DSCAM: variants seen among roughly 807,000 people sequenced by gnomAD.
DSCAM encodes DS cell adhesion molecule.
DSCAM carries 47 observed loss-of-function variants against 217.7 expected under a neutral mutation model. The observed-to-expected ratio is 0.22, with a 90% CI of 0.17 to 0.28. The LOEUF (loss-of-function observed/expected upper bound fraction) is 0.28. Among genes scored for constraint, DSCAM ranks in the 10% least tolerant of loss-of-function variants. DSCAM has a pLI of 1.00. For synonymous variants in DSCAM, 1,056 were observed against 1,015.3 expected (o/e 1.04, Z -0.76); for missense variants, 2,080 against 2,618.3 (o/e 0.79, Z 4.49).
intron 3 of DSCAM, among the ~76,000 whole-genome samples, chr21:40,606,427 G>C (rs1398006623): frequency 1.3e-5 from 2 of 152,200 alleles, no homozygotes; most frequent in Non-Finnish European, 2.9e-5. Context: ...AAAATGTTTA[G>C]TGTTGGCAAC....
rs986846647 is a variant in DSCAM at position 40,353,545 on chromosome 21, G to A, written c.854C>T (p.Pro285Leu). 12 of 1,612,038 alleles carry A rather than the reference G, an allele frequency of 7.4e-6. No individual in the cohort carries two copies. In the African/African-American group the frequency reaches 1.5e-4, roughly 20 times the overall value. Residue 285 changes from proline (P) to leucine (L), a missense_variant, in exon 5 of 33, where the codon CCC becomes CTC. Pro to Leu is a moderately conservative substitution (Grantham distance 98, BLOSUM62 -3). Transcript: ENST00000400454. Reference sequence around the variant, plus strand: ...ACAAACATAGCTGCCTGAGTCCGAGGGGCGAATGTTCTCAATGAGCAGCCC... The same window carrying A: ...ACAAACATAGCTGCCTGAGTCCGAGAGGCGAATGTTCTCAATGAGCAGCCC... ...VTGLLIENIR[P>L]SDSGSYVCEV...
rs1417735333 is a variant in DSCAM at position 40,639,121 on chromosome 21, ATTTTGG to A, written c.508+53683_508+53688del. 1.8e-4 allele frequency among the ~76,000 whole-genome samples: 27 copies of A among 148,528 alleles called. 1 individual carries two copies. The highest frequency in any genetic ancestry group is 6.3e-4 in the African/African-American group (25 of 39,976). On this transcript the variant is annotated intron_variant, in intron 3 of 32. Transcript: ENST00000400454. ...GCCTCTGTGTCCCTCACACTCGTCC[ATTTTGG>A]TCCATTTTGGTCCATTTTGTGTCTG...
chr21:40,788,485 C>T (rs2123455578), intron 1 of DSCAM, among the ~76,000 whole-genome samples: 1 of 152,260 alleles, frequency 6.6e-6, no homozygotes, highest in South Asian at 2.1e-4. Flanking sequence ...TAAGCATGGC[C>T]TCCTCAGTAG....
At chr21:40,484,569 G>A (rs2076009044) in intron 3 of DSCAM, among the ~76,000 whole-genome samples, 1 of 152,110 alleles carries the variant, frequency 6.6e-6, no homozygotes, top group Non-Finnish European at 1.5e-5. Flanking sequence ...TCTGCTATTT[G>A]TATGAAACTC....
intron 3 of DSCAM, among the ~76,000 whole-genome samples, chr21:40,505,932 C>G (rs942502571): frequency 6.6e-6 from 1 of 152,156 alleles, no homozygotes; most frequent in Non-Finnish European, 1.5e-5. Context: ...AGCAAAGTAG[C>G]TGTATCTGAC....
At chr21:40,203,873 A>G (rs890081210) in intron 11 of DSCAM, among the ~76,000 whole-genome samples, 10 of 152,246 alleles carry the variant, frequency 6.6e-5, no homozygotes, top group African/African-American at 2.4e-4. Flanking sequence ...CAGATTTAAA[A>G]ATTTTAAATA....
At chr21:40,013,511 T>C in intron 32 of DSCAM, 125 bp from the exon 33 acceptor site, 1 of 642,646 alleles carries the variant, frequency 1.6e-6, no homozygotes. Context: ...ACAGGTGCCT[T>C]TCTCAAGATC....
chr21:40,564,180 T>G (rs1169748586), intron 3 of DSCAM, among the ~76,000 whole-genome samples: 1 of 152,208 alleles, frequency 6.6e-6, no homozygotes. Flanking sequence ...TGGTAGTTTC[T>G]TTTCCTTAAA....
intron 3 of DSCAM, among the ~76,000 whole-genome samples, chr21:40,512,356 G>A (rs1254565957): frequency 2.0e-5 from 3 of 152,172 alleles, no homozygotes; most frequent in Non-Finnish European, 2.9e-5. Context: ...AAGGACAGAG[G>A]TAGGTTTACT....
chr21:40,380,790 G>A (rs1202502847), intron 3 of DSCAM, among the ~76,000 whole-genome samples: 1 of 152,200 alleles, frequency 6.6e-6, no homozygotes, highest in Non-Finnish European at 1.5e-5. Context: ...GAGGCCGGGC[G>A]CGGTGGCTCG....
intron 15 of DSCAM, among the ~76,000 whole-genome samples, chr21:40,168,786 T>A (rs1393490021): frequency 6.6e-6 from 1 of 152,172 alleles, no homozygotes; most frequent in East Asian, 1.9e-4. Flanking sequence ...AGTAGCATGA[T>A]GTAGTTGCTA....
rs191400892 is a variant in DSCAM at position 40,699,561 on chromosome 21, T to C, written c.362-6605A>G. Among the ~76,000 whole-genome samples, 632 of 152,348 alleles carry C rather than the reference T, an allele frequency of 4.1e-3. 1 individual carries two copies. Among genetic ancestry groups the C allele is most frequent in the Non-Finnish European group, 6.5e-3 (440 of 68,038 alleles). ...TCTTGAAGGAAATGAAAAGTGCTAC[T>C]TCAGCGAACAAATGATAAGAAAGTG... On this transcript the variant is annotated intron_variant, in intron 2 of 32. Coordinates refer to ENST00000400454, the MANE Select transcript of DSCAM (RefSeq NM_001389.5).
At chr21:40,369,410 G>C in intron 3 of DSCAM, 165 bp from the exon 4 acceptor site, 5 of 575,996 alleles carry the variant, frequency 8.7e-6, no homozygotes, top group Non-Finnish European at 1.1e-5. Context: ...GTGTGTGTGT[G>C]TGTGTGTGTG....
chr21:40,161,041 C>T (rs2090535254), intron 16 of DSCAM, among the ~76,000 whole-genome samples: 1 of 151,986 alleles, frequency 6.6e-6, no homozygotes, highest in Non-Finnish European at 1.5e-5. Context: ...CTCTTCCCAG[C>T]CTGCCTGAGC....
At chr21:40,325,691 A>T (rs545706099) in intron 8 of DSCAM, among the ~76,000 whole-genome samples, 14 of 152,344 alleles carry the variant, frequency 9.2e-5, no homozygotes, top group African/African-American at 3.1e-4. Flanking sequence ...ATTCAAGCAC[A>T]ATAGTAATGA....
rs145692206 is a variant in DSCAM, at chr21:40,512,559, T to C, written c.509-143314A>G. ...CGTTTGCGGCATTGTTCTGTCTCCA[T>C]CTATTGCCAAGGGCCAGTAGAGGTC... On this transcript the variant is annotated intron_variant, in intron 3 of 32. Coordinates refer to ENST00000400454, the MANE Select transcript of DSCAM (RefSeq NM_001389.5). Among the ~76,000 whole-genome samples the C allele has an allele frequency of 6.2e-4, 94 of 152,248 alleles. 1 individual carries two copies. Among genetic ancestry groups the C allele is most frequent in the African/African-American group, 2.1e-3 (86 of 41,538 alleles).
chr21:40,724,713 G>A (rs1017897212), intron 1 of DSCAM, among the ~76,000 whole-genome samples: 42 of 152,078 alleles, frequency 2.8e-4, no homozygotes, highest in Non-Finnish European at 5.6e-4. Flanking sequence ...ATCCAAGTTC[G>A]GTAATTAAAC....
chr21:40,513,379 C>A, intron 3 of DSCAM: 1 of 152,202 alleles, frequency 6.6e-6, no homozygotes. Context: ...CTGTTTGGTG[C>A]TGCTGTAAGG....
chr21:40,516,578 T>C (rs139859912), intron 3 of DSCAM, among the ~76,000 whole-genome samples: 48 of 152,278 alleles, frequency 3.2e-4, no homozygotes, highest in Middle Eastern at 6.8e-3. Context: ...TTGAGGAGCC[T>C]TCATTTAGGC....
Sources: allele counts gnomAD v4.1 joint callset (sites outside exome capture counted in the v4.1 genomes callset), GRCh38; gene constraint gnomAD v4.1.1; transcripts MANE v1.5; gene names NCBI Gene and HGNC (gene_info 2026-07-23, HGNC 2026-07-21).